SMAD3: variants seen among roughly 807,000 people sequenced by gnomAD.
SMAD3 encodes SMAD family member 3.
SMAD3 carries 12 observed loss-of-function variants against 51.8 expected under a neutral mutation model. The observed-to-expected ratio is 0.23, with a 90% CI of 0.15 to 0.38. SMAD3 has a LOEUF of 0.38. SMAD3 is among the 10% of genes least tolerant of loss of function. The probability of loss-of-function intolerance (pLI) is 1.00; values close to 1 mark genes in which losing one functional copy is unlikely to be tolerated. For missense variants in SMAD3, 294 were observed against 565.6 expected (o/e 0.52, Z 4.87); for synonymous variants, 238 against 227.7 (o/e 1.05, Z -0.41).
At chr15:67,162,336 T>C (rs1303554061) in intron 1 of SMAD3, among the ~76,000 whole-genome samples, 1 of 152,196 alleles carries the variant, frequency 6.6e-6, no homozygotes, top group East Asian at 1.9e-4. Context: ...AGAAAAATTA[T>C]GGCACTGACT....
intron 1 of SMAD3, among the ~76,000 whole-genome samples, chr15:67,117,270 T>A (rs1012412769): frequency 6.6e-6 from 1 of 152,300 alleles, no homozygotes; most frequent in South Asian, 2.1e-4. Context: ...AATCCAGGCA[T>A]TTTCCCACCT....
rs1156788507 is a variant in SMAD3, at chr15:67,098,902, G to A, written c.206+32542G>A. On this transcript the variant is annotated intron_variant, in intron 1 of 8. Coordinates refer to ENST00000327367, the MANE Select transcript of SMAD3 (RefSeq NM_005902.4). ...GGAGGGTGGACTCCGTTCCTGAGGG[G>A]GCCAGTGTGGAGGAGGGTCAGGCAG... The A allele has an allele frequency of 8.5e-6, 6 of 702,226 alleles. No homozygotes were observed. The African/African-American group carries it at 1.0e-4, about 12-fold the overall frequency. 43.5% of individuals were successfully genotyped at this position (702,226 alleles called of 1,614,324 possible). A position where few individuals can be genotyped will look rare whatever the true frequency, so the allele number is the denominator to read the frequency against.
At chr15:67,093,203 G>T (rs1030404800) in intron 1 of SMAD3, among the ~76,000 whole-genome samples, 2 of 152,128 alleles carry the variant, frequency 1.3e-5, no homozygotes, top group African/African-American at 4.8e-5. Context: ...GTGTATTCCG[G>T]GGCATATCCT....
At chr15:67,107,000 G>A (rs1960893122) in intron 1 of SMAD3, among the ~76,000 whole-genome samples, 1 of 152,050 alleles carries the variant, frequency 6.6e-6, no homozygotes. Flanking sequence ...AGTCTCCTTA[G>A]CTGAGTTCAC....
Position 67,190,960 on chromosome 15 carries a change from C to T in SMAD3, c.*424C>T, listed in dbSNP as rs1246058244. ...GGGCGTTCTAGGTAGGAAGAGCCCG[C>T]AGGGCCATGCAGACCTCATGCCCAG... On this transcript the variant is annotated 3_prime_UTR_variant, in exon 9 of 9. Coordinates refer to ENST00000327367, the MANE Select transcript of SMAD3 (RefSeq NM_005902.4). 2 of 283,010 alleles carry T rather than the reference C, an allele frequency of 7.1e-6. No homozygotes were observed. Among genetic ancestry groups the T allele is most frequent in the East Asian group, 5.0e-5 (1 of 19,870 alleles). The allele number at this position is 283,010 out of a possible 1,614,324, so 17.5% of individuals were successfully genotyped here.
At chr15:67,179,144 C>T (rs994896183) in intron 5 of SMAD3, among the ~76,000 whole-genome samples, 4 of 152,166 alleles carry the variant, frequency 2.6e-5, no homozygotes, top group East Asian at 1.9e-4. Context: ...CTGGTTTGCT[C>T]GCAGTTGCAT....
At position 67,185,232 on chromosome 15, in the gene SMAD3, G is replaced by A. The variant is rs541028682; in HGVS notation, c.1009+368G>A. Reference sequence around the variant, plus strand: ...GTAGATGCGGCCCTGCTCTGCCCCCGCAGACCTTACAGGCCTGCAGAGCAC... The same window carrying A: ...GTAGATGCGGCCCTGCTCTGCCCCCACAGACCTTACAGGCCTGCAGAGCAC... On this transcript the variant is annotated intron_variant, in intron 7 of 8. Coordinates refer to ENST00000327367, the MANE Select transcript of SMAD3 (RefSeq NM_005902.4). Among the ~76,000 whole-genome samples, 175 of 152,302 alleles carry A rather than the reference G, an allele frequency of 1.1e-3. 1 individual carries two copies. Among genetic ancestry groups the A allele is most frequent in the African/African-American group, 4.1e-3 (171 of 41,558 alleles).
At chr15:67,073,173 A>ATCTCTC (rs1013290794) in intron 1 of SMAD3, among the ~76,000 whole-genome samples, 1 of 152,094 alleles carries the variant, frequency 6.6e-6, no homozygotes, top group African/African-American at 2.4e-5. Flanking sequence ...CTTGACAAGG[A>ATCTCTC]TCTCTCTCTC....
intron 1 of SMAD3, among the ~76,000 whole-genome samples, chr15:67,083,051 C>T (rs1380786729): frequency 6.6e-5 from 10 of 152,188 alleles, no homozygotes; most frequent in Admixed American, 6.5e-4. Context: ...AGAGAGGTGC[C>T]TTTGAGCATG....
chr15:67,142,470 C>T (rs566428795), intron 1 of SMAD3, among the ~76,000 whole-genome samples: 7 of 152,276 alleles, frequency 4.6e-5, no homozygotes, highest in African/African-American at 1.7e-4. Flanking sequence ...CTATTTTTCA[C>T]CTTGTTAATG....
chr15:67,164,316 GAAAAAAAAAAAAA>G (rs59880604), intron 1 of SMAD3, among the ~76,000 whole-genome samples: 110 of 83,644 alleles, frequency 1.3e-3, no homozygotes, highest in African/African-American at 4.4e-3. Flanking sequence ...CTCCGTCTCA[GAAAAAAAAAAAAA>G]AAAAAAAAAA....
intron 1 of SMAD3, among the ~76,000 whole-genome samples, chr15:67,097,466 A>G (rs567746581): frequency 9.2e-5 from 14 of 151,934 alleles, no homozygotes; most frequent in Non-Finnish European, 1.6e-4. Flanking sequence ...GCTAGTCTCA[A>G]ACTTGTGAGC....
intron 5 of SMAD3, among the ~76,000 whole-genome samples, chr15:67,172,263 C>A (rs1782299325): frequency 6.6e-6 from 1 of 152,388 alleles, no homozygotes; most frequent in East Asian, 1.9e-4. Flanking sequence ...TAGGTTATTT[C>A]TTCCAAAGGG....
intron 4 of SMAD3, among the ~76,000 whole-genome samples, chr15:67,168,640 CTT>C (rs1962657468): frequency 6.6e-6 from 1 of 152,234 alleles, no homozygotes; most frequent in Admixed American, 6.5e-5. Context: ...CCTGTCAGCT[CTT>C]GTTTCTTCTC....
Position 67,127,184 on chromosome 15 carries a change from C to T in SMAD3, c.207-37711C>T, listed in dbSNP as rs192920834. On this transcript the variant is annotated intron_variant, in intron 1 of 8. Coordinates refer to ENST00000327367, the MANE Select transcript of SMAD3 (RefSeq NM_005902.4). ...CCAGGTGGCCCAAGCCGAGGTCGCT[C>T]CCCAGGGCCAGGCTCATGAATGGAT... Among the ~76,000 whole-genome samples, 67 of 152,286 alleles carry T rather than the reference C, an allele frequency of 4.4e-4. No individual in the cohort carries two copies. The East Asian group carries it at 8.1e-3, about 18-fold the overall frequency.
intron 1 of SMAD3, among the ~76,000 whole-genome samples, chr15:67,106,555 C>T (rs1960881202): frequency 6.6e-6 from 1 of 152,184 alleles, no homozygotes; most frequent in Non-Finnish European, 1.5e-5. Flanking sequence ...AGTTCTAAAT[C>T]TGTGATTATG....
chr15:67,092,343 C>T (rs1233666921), intron 1 of SMAD3, among the ~76,000 whole-genome samples: 1 of 152,178 alleles, frequency 6.6e-6, no homozygotes, highest in African/African-American at 2.4e-5. Context: ...CATATTTTAT[C>T]AAGTAGATGA....
At chr15:67,113,589 T>G (rs761135707) in intron 1 of SMAD3, among the ~76,000 whole-genome samples, 1 of 152,200 alleles carries the variant, frequency 6.6e-6, no homozygotes, top group Non-Finnish European at 1.5e-5. Flanking sequence ...GTGAGATTGT[T>G]GGAAGTAGCC....
intron 1 of SMAD3, among the ~76,000 whole-genome samples, chr15:67,134,957 C>T (rs1048100274): frequency 3.3e-5 from 5 of 152,094 alleles, no homozygotes; most frequent in South Asian, 2.1e-4. Flanking sequence ...GGATTGGAAC[C>T]GAAGCTGGCT....
Sources: gnomAD v4.1 joint callset for allele counts (sites outside exome capture counted in the v4.1 genomes callset) on GRCh38, gnomAD v4.1.1 for gene constraint, MANE v1.5 for transcripts, NCBI Gene and HGNC (gene_info 2026-07-23, HGNC 2026-07-21) for gene names.